SPTBN5: variants seen among roughly 807,000 people sequenced by gnomAD.
The protein encoded by SPTBN5 is spectrin beta chain, non-erythrocytic 5.
In SPTBN5, 513 loss-of-function variants were observed where a neutral mutation model predicts 477.6. The ratio of observed to expected loss-of-function variants is 1.07; its 90% CI spans 1.00 to 1.16. The LOEUF (loss-of-function observed/expected upper bound fraction) is 1.16, where lower values mean the gene tolerates loss of function less well. SPTBN5 is among the 50% of genes most tolerant of loss of function. The probability of loss-of-function intolerance (pLI) is 0.00; values close to 1 mark genes in which losing one functional copy is unlikely to be tolerated. For missense variants in SPTBN5, 5,062 were observed against 4,731.8 expected (o/e 1.07, Z -2.05); for synonymous variants, 2,169 against 2,011.7 (o/e 1.08, Z -2.09).
At position 41,852,969 on chromosome 15, in the gene SPTBN5, C is replaced by CG. The variant is rs1161055714; in HGVS notation, c.10201dup (p.Arg3401ProfsTer33). 1 of 1,562,234 alleles carries CG rather than the reference C, an allele frequency of 6.4e-7. No individual in the cohort carries two copies. The highest frequency in any genetic ancestry group is 1.4e-5 in the African/African-American group (1 of 73,528). On this transcript the variant is annotated frameshift_variant, in exon 60 of 68. Transcript: ENST00000320955. LOFTEE classifies it high-confidence loss of function. ...CCAAGCCTCCTCCAGCTCCTGCAGC[C>CG]GCCCTTCCAGCTCCTGCAGGCACTC...
Position 41,860,681 on chromosome 15 carries a change from C to A in SPTBN5, c.7893G>T (p.Lys2631Asn), listed in dbSNP as rs1469261945. 2 of 1,587,914 alleles carry A rather than the reference C, an allele frequency of 1.3e-6. No homozygotes were observed. The highest frequency in any genetic ancestry group is 1.8e-5 in the Admixed American group (1 of 56,850). ...GGGCCGTGGCCTCCAGAGCACTGAT[C>A]TTTCCCGCCTGCACCTCCAGGTCCC... is the stretch of plus-strand genomic sequence containing the variant. ...LEWDLEVQAG[K>N]ISALEATARG... Residue 2631 changes from lysine (K) to asparagine (N), a missense_variant, in exon 47 of 68, where the codon AAG becomes AAT. Coordinates refer to ENST00000320955, the MANE Select transcript of SPTBN5 (RefSeq NM_016642.4).
At chr15:41,882,227 G>GCC in intron 11 of SPTBN5, 42 bp downstream of exon 11, 2 of 942,928 alleles carry the variant, frequency 2.1e-6, no homozygotes, top group Non-Finnish European at 2.9e-6. Context: ...CCCCCGCCTC[G>GCC]CCGGGCCCCG....
chr15:41,848,479 C>T lies in SPTBN5; in HGVS notation c.*137G>A, dbSNP rs757112348. 1.4e-4 allele frequency: 141 copies of T among 1,009,538 alleles called. 2 individuals carry two copies. Among genetic ancestry groups the T allele is most frequent in the Non-Finnish European group, 2.1e-4 (134 of 634,184 alleles). The allele number at this position is 1,009,538 out of a possible 1,614,324, so 62.5% of individuals were successfully genotyped here. On this transcript the variant is annotated 3_prime_UTR_variant, in exon 68 of 68. Transcript: ENST00000320955. ...ATCTAACCAGAAGGAACTGTCTATT[C>T]CAGAAGCTGGGCCTGGGGAACTGGG...
chr15:41,853,615 C>T lies in SPTBN5; in HGVS notation c.9947G>A (p.Gly3316Asp). ...RGQWLAQAAQ[G>D]HAFLGRCQEL... ...CTGGCAGCGCCCGAGGAAGGCATGG[C>T]CCTGTGCAGCCTGCGCCAGCCACTG... Residue 3316 changes from glycine (G) to aspartate (D), a missense_variant, in exon 58 of 68, where the codon GGC becomes GAC. Gly to Asp is a moderately conservative substitution (Grantham distance 94). Coordinates refer to ENST00000320955, the MANE Select transcript of SPTBN5 (RefSeq NM_016642.4). 1.3e-6 allele frequency: 2 copies of T among 1,590,060 alleles called. No homozygotes were observed. Among genetic ancestry groups the T allele is most frequent in the Non-Finnish European group, 8.6e-7 (1 of 1,168,340 alleles).
Position 41,865,910 on chromosome 15 carries a change from AG to A in SPTBN5, c.6823-8del. 1 of 1,567,434 alleles carries A rather than the reference AG, an allele frequency of 6.4e-7. No individual in the cohort carries two copies. The highest frequency in any genetic ancestry group is 8.6e-7 in the Non-Finnish European group (1 of 1,156,272). On this transcript the variant is annotated splice_polypyrimidine_tract_variant and splice_region_variant and intron_variant, in intron 38 of 67. Coordinates refer to ENST00000320955, the MANE Select transcript of SPTBN5 (RefSeq NM_016642.4). ...CAACATTCATCTTCACCTCCTGTGA[AG>A]GCCGAGGGTGGGGAGGGAGCGCTGT...
intron 13 of SPTBN5, 88 bp from the exon 14 acceptor site, chr15:41,880,400 C>T: frequency 7.3e-7 from 1 of 1,378,082 alleles, no homozygotes; most frequent in Non-Finnish European, 9.7e-7. Flanking sequence ...CCTCCCCATC[C>T]CAGCCCACCA....
Position 41,869,883 on chromosome 15 carries a change from G to T in SPTBN5, c.5811C>A (p.Ala1937=). ...VLQRRMEQRR[A]QLERARLLAR... ...CCAGGAGGCGTGCCCGCTCCAGCTG[G>T]GCCCTGCGCTGCTCCATGCGTCGCT... The change falls in exon 32 of 68, where the codon GCC becomes GCA. Residue 1937 remains alanine, a synonymous_variant. Coordinates refer to ENST00000320955, the MANE Select transcript of SPTBN5 (RefSeq NM_016642.4). 1 of 1,552,448 alleles carries T rather than the reference G, an allele frequency of 6.4e-7. No homozygotes were observed.
intron 49 of SPTBN5, among the ~76,000 whole-genome samples, chr15:41,858,146 A>G (rs1250894885): frequency 6.6e-6 from 1 of 152,104 alleles, no homozygotes; most frequent in African/African-American, 2.4e-5. Context: ...AAAATACAAA[A>G]AAGTAGCTGG....
In SPTBN5 at chr15:41,868,060, G is replaced by A; in HGVS notation, c.6207+9C>T. 6.3e-7 allele frequency: 1 copy of A among 1,596,308 alleles called. No homozygotes were observed. Reference sequence around the variant, plus strand: ...GCTGAGCGGAGTGTGAGGGCGGGAGGGGACCTGCCTCCTGGGCCGCGAGGA... The same window carrying A: ...GCTGAGCGGAGTGTGAGGGCGGGAGAGGACCTGCCTCCTGGGCCGCGAGGA... On this transcript the variant is annotated intron_variant, in intron 34 of 67. Transcript: ENST00000320955.
chr15:41,864,400 A>ACCT (rs1347253885), intron 39 of SPTBN5, among the ~76,000 whole-genome samples: 1 of 151,732 alleles, frequency 6.6e-6, no homozygotes, highest in African/African-American at 2.4e-5. Flanking sequence ...TGCAACCTCT[A>ACCT]CCTCCCTGGT....
chr15:41,880,873 C>T (rs2066927050), intron 13 of SPTBN5, among the ~76,000 whole-genome samples, 161 bp downstream of exon 13: 1 of 152,250 alleles, frequency 6.6e-6, no homozygotes, highest in African/African-American at 2.4e-5. Context: ...GTGATCCCAT[C>T]ACACCTGCAT....
intron 32 of SPTBN5, 31 bp downstream of exon 32, chr15:41,869,810 C>T (rs1189259494): frequency 1.3e-6 from 2 of 1,525,798 alleles, no homozygotes; most frequent in Non-Finnish European, 1.7e-6. Context: ...CACATGCACA[C>T]ACACACCACC....
chr15:41,875,437 C>T (rs2066691675), intron 22 of SPTBN5, 21 bp downstream of exon 22: 3 of 1,607,102 alleles, frequency 1.9e-6, no homozygotes, highest in South Asian at 1.1e-5. Flanking sequence ...CTCTTGTGCC[C>T]TGTCCCTCTT....
intron 56 of SPTBN5, among the ~76,000 whole-genome samples, chr15:41,854,506 G>A (rs2140914641): frequency 6.6e-6 from 1 of 152,244 alleles, no homozygotes; most frequent in East Asian, 1.9e-4. Context: ...CGGGGATCTG[G>A]CTGACCCTGG....
At position 41,862,237 on chromosome 15, in the gene SPTBN5, C is replaced by A. The variant is rs1319990372; in HGVS notation, c.7441G>T (p.Glu2481Ter). 6.2e-7 allele frequency: 1 copy of A among 1,611,514 alleles called. No homozygotes were observed. The highest frequency in any genetic ancestry group is 1.3e-5 in the African/African-American group (1 of 74,914). ...AGCCTCTGGGCGCTGACCAGCAATT[C>A]CTGCAGCATTGCCTGGAGTTTCTGA... ...QAQKLQAMLQ[E>*]LLVSAQRLRA... The change falls in exon 44 of 68, where the codon GAA becomes TAA. Residue 2481 changes from glutamate (E) to a stop codon, truncating the protein, a stop_gained. Coordinates refer to ENST00000320955, the MANE Select transcript of SPTBN5 (RefSeq NM_016642.4). LOFTEE classifies it high-confidence loss of function.
chr15:41,848,766 A>G (rs192607009), intron 67 of SPTBN5, 138 bp from the exon 68 acceptor site: 31 of 1,040,428 alleles, frequency 3.0e-5, no homozygotes, highest in Middle Eastern at 2.7e-4. Context: ...TCCAGAGCTG[A>G]CTGACAGGCG....
chr15:41,867,165 G>A (rs2066353255), intron 35 of SPTBN5, 39 bp from the exon 36 acceptor site: 1 of 1,499,552 alleles, frequency 6.7e-7, no homozygotes. Context: ...TCCCACCCTG[G>A]GCTGGGGCAG....
At chr15:41,885,496 C>A (rs2067119650) in intron 7 of SPTBN5, among the ~76,000 whole-genome samples, 1 of 152,194 alleles carries the variant, frequency 6.6e-6, no homozygotes, top group African/African-American at 2.4e-5. Context: ...TCAAAAAATT[C>A]TTGTTTAGTG....
chr15:41,856,401 C>T lies in SPTBN5; in HGVS notation c.9006G>A (p.Gln3002=). 6.3e-7 allele frequency: 1 copy of T among 1,580,202 alleles called. No individual in the cohort carries two copies. Among genetic ancestry groups the T allele is most frequent in the African/African-American group, 1.3e-5 (1 of 74,346 alleles). ...CTCCCCTCACCTCAGTCAGAAACTG[C>T]TGGGCCTCCTGAGCCTGCTGCAGCA... The part of the protein sequence containing the change: ...RLLLQQAQEA[Q]QFLTELLEAG... The change falls in exon 53 of 68, where the codon CAG becomes CAA. Residue 3002 remains glutamine (Q), a synonymous_variant. Transcript: ENST00000320955.
Sources: allele counts gnomAD v4.1 joint callset (sites outside exome capture counted in the v4.1 genomes callset), GRCh38; gene constraint gnomAD v4.1.1; transcripts MANE v1.5; gene names NCBI Gene and HGNC (gene_info 2026-07-23, HGNC 2026-07-21).